Variants in WDPCP observed in about 807,000 individuals in gnomAD.
WDPCP encodes the protein WD repeat containing planar cell polarity effector, also known as WD repeat-containing and planar cell polarity effector protein fritz homolog.
WDPCP carries 71 observed loss-of-function variants against 93.1 expected under a neutral mutation model. The ratio of observed to expected loss-of-function variants is 0.76; its 90% CI spans 0.63 to 0.93. The LOEUF (loss-of-function observed/expected upper bound fraction) is 0.93, where lower values mean the gene tolerates loss of function less well. WDPCP is among the 40% of genes least tolerant of loss of function. WDPCP has a pLI of 0.00. For synonymous variants in WDPCP, 315 were observed against 315.0 expected, an observed-to-expected ratio of 1.00 and a Z score of 0.00; for missense variants, 844 against 887.4, an observed-to-expected ratio of 0.95 and a Z score of 0.62.
chr2:63,644,124 C>T (rs1047611680), intron 3 of WDPCP: 26 of 335,186 alleles, frequency 7.8e-5, no homozygotes, highest in Non-Finnish European at 1.2e-4. Flanking sequence ...ATTTTTGCAT[C>T]AATGTTCATC....
At chr2:63,222,580 G>T (rs563433790) in intron 14 of WDPCP, among the ~76,000 whole-genome samples, 4 of 152,286 alleles carry the variant, frequency 2.6e-5, no homozygotes, top group African/African-American at 7.2e-5. Context: ...TTTAGGAGTG[G>T]ATAGAGCAGA....
intron 6 of WDPCP, among the ~76,000 whole-genome samples, chr2:63,465,802 C>T (rs569163505): frequency 6.6e-6 from 1 of 152,276 alleles, no homozygotes; most frequent in South Asian, 2.1e-4. Context: ...TGCTTTTTAT[C>T]ACAGCAAGCC....
At chr2:63,735,918 T>C (rs1669632789) in intron 2 of WDPCP, among the ~76,000 whole-genome samples, 1 of 152,160 alleles carries the variant, frequency 6.6e-6, no homozygotes, top group Non-Finnish European at 1.5e-5. Context: ...AAAAGAAACT[T>C]ATAATACCAA....
intron 12 of WDPCP, among the ~76,000 whole-genome samples, chr2:63,325,987 G>A (rs1687501603): frequency 6.6e-6 from 1 of 152,184 alleles, no homozygotes; most frequent in South Asian, 2.1e-4. Context: ...GTAGCAAAAG[G>A]TTGACCTCAC....
intron 14 of WDPCP, among the ~76,000 whole-genome samples, chr2:63,179,101 T>G (rs1439625781): frequency 1.3e-5 from 2 of 151,410 alleles, no homozygotes; most frequent in Non-Finnish European, 2.9e-5. Flanking sequence ...CTCAGGAATT[T>G]GAGGCTGGAG....
At position 63,381,864 on chromosome 2, in the gene WDPCP, G is replaced by C. The variant is rs749341542; in HGVS notation, c.1624+42C>G. On this transcript the variant is annotated intron_variant, in intron 11 of 17. Transcript: ENST00000272321. ...AATAACTCAATAAAATCTATTTCAT[G>C]TATATACAAAACTCATCAATGAAAA... 11 of 1,595,192 alleles carry C rather than the reference G, an allele frequency of 6.9e-6. No homozygotes were observed. The Admixed American group carries it at 1.5e-4, about 22-fold the overall frequency.
intron 17 of WDPCP, among the ~76,000 whole-genome samples, chr2:63,122,695 G>C (rs574045278): frequency 3.8e-4 from 58 of 152,226 alleles, no homozygotes; most frequent in South Asian, 3.7e-3. Flanking sequence ...GTGATATTAT[G>C]TGAAAAATAA....
At chr2:63,726,449 G>A (rs1669498517) in intron 2 of WDPCP, among the ~76,000 whole-genome samples, 1 of 152,172 alleles carries the variant, frequency 6.6e-6, no homozygotes, top group South Asian at 2.1e-4. Flanking sequence ...GGTTACTGTA[G>A]CCCTGTACTG....
At chr2:63,608,173 T>C (rs1709574128) in intron 3 of WDPCP, among the ~76,000 whole-genome samples, 1 of 152,146 alleles carries the variant, frequency 6.6e-6, no homozygotes, top group Non-Finnish European at 1.5e-5. Context: ...TGGATGAAAT[T>C]AGAATATTTT....
intron 9 of WDPCP, among the ~76,000 whole-genome samples, chr2:63,410,867 A>G (rs1259563060): frequency 1.3e-5 from 2 of 152,230 alleles, no homozygotes; most frequent in African/African-American, 2.4e-5. Context: ...ATATGCACCT[A>G]ACACTGGAGC....
chr2:63,300,055 A>G (rs1350189132), intron 13 of WDPCP, among the ~76,000 whole-genome samples: 1 of 151,986 alleles, frequency 6.6e-6, no homozygotes, highest in Non-Finnish European at 1.5e-5. Context: ...TAAACATCAT[A>G]CCTGATGGAA....
intron 10 of WDPCP, among the ~76,000 whole-genome samples, chr2:63,393,825 G>T (rs985975533): frequency 3.3e-5 from 5 of 151,968 alleles, no homozygotes. Context: ...GCAGGGAAAG[G>T]ACTTCTTATT....
intron 13 of WDPCP, among the ~76,000 whole-genome samples, chr2:63,290,755 T>C (rs1016626337): frequency 3.3e-5 from 5 of 152,194 alleles, no homozygotes; most frequent in African/African-American, 1.2e-4. Flanking sequence ...GGCATTACTG[T>C]TTCTGATTTG....
chr2:63,404,602 T>C lies in WDPCP; in HGVS notation c.881A>G (p.Lys294Arg). 6.2e-7 allele frequency: 1 copy of C among 1,614,098 alleles called. No homozygotes were observed. ...WDPLDVRFGT[K>R]QPYQVFTVEH... Reference sequence around the variant, plus strand: ...CACTGTGAACACCTGATAAGGCTGTTTGGTGCCAAAGCGAACATCCAGTGG... The same window carrying C: ...CACTGTGAACACCTGATAAGGCTGTCTGGTGCCAAAGCGAACATCCAGTGG... Residue 294 changes from lysine to arginine, a missense_variant, in exon 10 of 18, where the codon AAA (lysine) becomes AGA (arginine). Transcript: ENST00000272321.
intron 1 of WDPCP, among the ~76,000 whole-genome samples, chr2:63,814,240 C>A (rs1442455225): frequency 6.6e-6 from 1 of 152,058 alleles, no homozygotes; most frequent in Non-Finnish European, 1.5e-5. Flanking sequence ...AATTATTTTC[C>A]CAGCCTCCTT....
rs150992157 is a variant in WDPCP at position 63,472,572 on chromosome 2, G to A, written c.384+12032C>T. Among the ~76,000 whole-genome samples the A allele has an allele frequency of 4.0e-4, 60 of 151,742 alleles. No individual in the cohort carries two copies. The East Asian group carries it at 0.011, about 29-fold the overall frequency. ...GCAAGAATTCCTTTCCCTTTTTCCT[G>A]ATTATTACTTTTATTTTTTATTTTT... On this transcript the variant is annotated intron_variant, in intron 6 of 17. Coordinates refer to ENST00000272321, the MANE Select transcript of WDPCP (RefSeq NM_015910.7).
intron 6 of WDPCP, among the ~76,000 whole-genome samples, chr2:63,483,257 A>T (rs1457910380): frequency 1.3e-5 from 2 of 151,950 alleles, no homozygotes; most frequent in Non-Finnish European, 2.9e-5. Context: ...TAATGGCATT[A>T]AAAACTACAA....
intron 2 of WDPCP, among the ~76,000 whole-genome samples, chr2:63,686,859 AC>A (rs1668811021): frequency 8.3e-5 from 5 of 59,912 alleles, no homozygotes; most frequent in Non-Finnish European, 1.7e-4. Flanking sequence ...TGCTGAAAAA[AC>A]TGTATATCCA....
At chr2:63,771,165 A>G (rs1670220446) in intron 2 of WDPCP, among the ~76,000 whole-genome samples, 1 of 151,752 alleles carries the variant, frequency 6.6e-6, no homozygotes, top group Non-Finnish European at 1.5e-5. Context: ...GATGGTGATC[A>G]AGAAAAAAAG....
Sources: allele counts gnomAD v4.1 joint callset (sites outside exome capture counted in the v4.1 genomes callset), GRCh38; gene constraint gnomAD v4.1.1; transcripts MANE v1.5; gene names NCBI Gene and HGNC (gene_info 2026-07-23, HGNC 2026-07-21).